The following EIF2AK3 variants were observed in gnomAD, a reference collection of about 807,000 sequenced individuals.
EIF2AK3 encodes the protein eukaryotic translation initiation factor 2-alpha kinase 3.
In EIF2AK3, 50 loss-of-function variants were observed where a neutral mutation model predicts 113.5. The observed-to-expected ratio is 0.44, with a 90% CI of 0.35 to 0.56. The LOEUF is 0.56. Ranked by LOEUF, EIF2AK3 falls within the 20% of genes least tolerant of loss-of-function variation. The pLI, the probability that EIF2AK3 is intolerant of heterozygous loss-of-function variation, is 0.00. For synonymous variants in EIF2AK3, 448 were observed against 495.4 expected, an observed-to-expected ratio of 0.90 and a Z score of 1.27; for missense variants, 1,185 against 1,378.0, an observed-to-expected ratio of 0.86 and a Z score of 2.22.
chr2:88,620,850 G>A (rs188931898), intron 1 of EIF2AK3, among the ~76,000 whole-genome samples: 210 of 152,288 alleles, frequency 1.4e-3, no homozygotes, highest in Admixed American at 3.9e-3. Flanking sequence ...AGCTTCCTAC[G>A]GAAAAGACAT....
chr2:88,626,057 A>G (rs955943974), intron 1 of EIF2AK3, among the ~76,000 whole-genome samples: 3 of 152,138 alleles, frequency 2.0e-5, no homozygotes, highest in African/African-American at 7.2e-5. Flanking sequence ...TGCTCCCTTT[A>G]GCACTCCATT....
chr2:88,624,800 C>T (rs908785086), intron 1 of EIF2AK3: 8 of 152,296 alleles, frequency 5.3e-5, no homozygotes, highest in African/African-American at 1.9e-4. Flanking sequence ...CACGCAGTCT[C>T]AATCTCTGGA....
intron 1 of EIF2AK3, among the ~76,000 whole-genome samples, chr2:88,623,566 G>A (rs964672965): frequency 6.6e-6 from 1 of 152,110 alleles, no homozygotes; most frequent in African/African-American, 2.4e-5. Flanking sequence ...AGTTTTGCCA[G>A]TACTGCAGTT....
chr2:88,559,391 A>G (rs1450336814), intron 15 of EIF2AK3, among the ~76,000 whole-genome samples: 1 of 152,212 alleles, frequency 6.6e-6, no homozygotes. Flanking sequence ...TTTAAAATAC[A>G]CAGAATATAT....
chr2:88,564,359 G>T (rs1674045594), intron 14 of EIF2AK3, among the ~76,000 whole-genome samples: 1 of 152,156 alleles, frequency 6.6e-6, no homozygotes, highest in African/African-American at 2.4e-5. Flanking sequence ...ACTTTATAAA[G>T]TGACAGTTTC....
intron 14 of EIF2AK3, among the ~76,000 whole-genome samples, chr2:88,565,596 A>C (rs762656264): frequency 3.3e-5 from 5 of 152,080 alleles, no homozygotes; most frequent in Non-Finnish European, 5.9e-5. Context: ...CCTGTCCCAA[A>C]GTGCTGGGAT....
rs1440990027 is a variant in EIF2AK3, at chr2:88,556,950, C to G, written c.*786G>C. On this transcript the variant is annotated 3_prime_UTR_variant, in exon 17 of 17. Coordinates refer to ENST00000303236, the MANE Select transcript of EIF2AK3 (RefSeq NM_004836.7). ...CCTATAATCAGTTTGGGGGAAGTAC[C>G]AACCTACAGGATTACATATAAGACA... The G allele has an allele frequency of 6.6e-6, 1 of 152,046 alleles. No individual in the cohort carries two copies. The highest frequency in any genetic ancestry group is 1.5e-5 in the Non-Finnish European group (1 of 68,012). 9.4% of individuals were successfully genotyped at this position (152,046 alleles called of 1,614,324 possible). A position where few individuals can be genotyped will look rare whatever the true frequency, so the allele number is the denominator to read the frequency against.
intron 4 of EIF2AK3, among the ~76,000 whole-genome samples, chr2:88,593,013 G>C (rs1166966416): frequency 6.6e-6 from 1 of 151,802 alleles, no homozygotes; most frequent in Non-Finnish European, 1.5e-5. Flanking sequence ...GTGGTGGCAC[G>C]TGCCTGTAAT....
chr2:88,587,132 G>A lies in EIF2AK3; in HGVS notation c.1429+850C>T, dbSNP rs551245417. On this transcript the variant is annotated intron_variant, in intron 8 of 16. Transcript: ENST00000303236. ...AGGCAGAAGAATCGCTTGAACCCAG[G>A]AGGTGGAGGTTGTAGTGAGCCGAGA... is the stretch of plus-strand genomic sequence containing the variant. 2.4e-4 allele frequency among the ~76,000 whole-genome samples: 35 copies of A among 147,644 alleles called. 1 individual carries two copies. In the East Asian group the frequency reaches 7.0e-3, roughly 30 times the overall value.
intron 4 of EIF2AK3, among the ~76,000 whole-genome samples, chr2:88,592,885 C>T (rs1674921583): frequency 6.6e-6 from 1 of 151,990 alleles, no homozygotes; most frequent in Admixed American, 6.5e-5. Flanking sequence ...TGTTAATAAC[C>T]ATGAAACCAT....
chr2:88,603,035 T>C (rs1295132587), intron 2 of EIF2AK3, among the ~76,000 whole-genome samples: 1 of 152,182 alleles, frequency 6.6e-6, no homozygotes, highest in African/African-American at 2.4e-5. Context: ...GAAGTCTCCT[T>C]TGCCTAGAAC....
intron 14 of EIF2AK3, 55 bp downstream of exon 14, chr2:88,570,819 G>A: frequency 1.3e-6 from 2 of 1,598,142 alleles, no homozygotes; most frequent in Non-Finnish European, 1.7e-6. Flanking sequence ...CATGAGAAGA[G>A]ATTCATCAGG....
At chr2:88,559,381 T>C (rs1673877128) in intron 15 of EIF2AK3, among the ~76,000 whole-genome samples, 1 of 152,224 alleles carries the variant, frequency 6.6e-6, no homozygotes, top group Admixed American at 6.5e-5. Context: ...TTACAGAAGA[T>C]TTAAAATACA....
upstream of EIF2AK3, chr2:88,627,928 C>T (rs912316010): frequency 6.6e-6 from 1 of 152,122 alleles, no homozygotes; most frequent in African/African-American, 2.4e-5. Context: ...AGGCAAGTGC[C>T]TTGTGACCGG....
intron 1 of EIF2AK3, among the ~76,000 whole-genome samples, chr2:88,621,496 G>A (rs189238099): frequency 2.0e-5 from 3 of 152,254 alleles, no homozygotes; most frequent in Admixed American, 6.5e-5. Context: ...GGGAGAGGGC[G>A]TTATTTCACA....
chr2:88,606,587 A>C (rs1031953751), intron 2 of EIF2AK3, among the ~76,000 whole-genome samples: 15 of 152,264 alleles, frequency 9.9e-5, no homozygotes, highest in Admixed American at 2.6e-4. Context: ...GTTTGCGTGC[A>C]AATGAAAAAC....
chr2:88,592,925 T>G (rs989486810), intron 4 of EIF2AK3, among the ~76,000 whole-genome samples: 1 of 152,108 alleles, frequency 6.6e-6, no homozygotes, highest in Non-Finnish European at 1.5e-5. Flanking sequence ...TTGGATCACC[T>G]GACGTCGGGA....
At chr2:88,566,431 C>G (rs1444857235) in intron 14 of EIF2AK3, among the ~76,000 whole-genome samples, 1 of 152,182 alleles carries the variant, frequency 6.6e-6, no homozygotes, top group East Asian at 1.9e-4. Context: ...AGGCTCAAGC[C>G]ACAGTGCCCA....
chr2:88,591,118 T>A, intron 4 of EIF2AK3, 66 bp from the exon 5 acceptor site: 1 of 1,379,560 alleles, frequency 7.2e-7, no homozygotes, highest in Non-Finnish European at 1.0e-6. Context: ...AATATAGAAC[T>A]CTTCTAGATT....
Sources: allele counts gnomAD v4.1 joint callset (sites outside exome capture counted in the v4.1 genomes callset), GRCh38; gene constraint gnomAD v4.1.1; transcripts MANE v1.5; gene names NCBI Gene and HGNC (gene_info 2026-07-23, HGNC 2026-07-21).